CASS4: variants seen among roughly 807,000 people sequenced by gnomAD.
CASS4 encodes the protein cas scaffolding protein family member 4.
In CASS4, 22 loss-of-function variants were observed where a neutral mutation model predicts 54.2. That is an observed-to-expected ratio of 0.41 (90% CI 0.29 to 0.58). CASS4 has a LOEUF of 0.58. Ranked by LOEUF, CASS4 falls within the 20% of genes least tolerant of loss-of-function variation. CASS4 has a pLI of 0.36. For synonymous variants in CASS4, 409 were observed against 391.5 expected (o/e 1.04, Z -0.53); for missense variants, 854 against 986.7 (o/e 0.87, Z 1.80).
At chr20:56,434,909 A>G (rs1980084167) in intron 1 of CASS4, among the ~76,000 whole-genome samples, 1 of 152,240 alleles carries the variant, frequency 6.6e-6, no homozygotes, top group Non-Finnish European at 1.5e-5. Context: ...AACAGCAGTT[A>G]CCTGTGGTGG....
At chr20:56,441,440 A>C (rs1007085202) in intron 2 of CASS4, among the ~76,000 whole-genome samples, 1 of 151,822 alleles carries the variant, frequency 6.6e-6, no homozygotes, top group Non-Finnish European at 1.5e-5. Context: ...CCCTGTCTCT[A>C]CTAAAAACAC....
At chr20:56,455,341 G>C (rs1323457860) in intron 5 of CASS4, among the ~76,000 whole-genome samples, 3 of 152,328 alleles carry the variant, frequency 2.0e-5, no homozygotes, top group South Asian at 2.1e-4. Flanking sequence ...TGTAAAGGTT[G>C]TAAAGGTTGT....
chr20:56,426,672 T>A (rs976909613), intron 1 of CASS4, among the ~76,000 whole-genome samples: 2 of 151,876 alleles, frequency 1.3e-5, no homozygotes, highest in Non-Finnish European at 2.9e-5. Context: ...ACCTAGCCCA[T>A]GTTCAAGCCA....
At chr20:56,433,996 G>T (rs1178443084) in intron 1 of CASS4, among the ~76,000 whole-genome samples, 2 of 152,176 alleles carry the variant, frequency 1.3e-5, no homozygotes, top group Non-Finnish European at 2.9e-5. Context: ...GAGTAGTCTG[G>T]GTGTTGCTAA....
rs1005635138 is a variant in CASS4 at position 56,414,886 on chromosome 20, A to T, written c.36+2392A>T. Among the ~76,000 whole-genome samples the T allele has an allele frequency of 6.6e-6, 1 of 152,148 alleles. No individual in the cohort carries two copies. Among genetic ancestry groups the T allele is most frequent in the African/African-American group, 2.4e-5 (1 of 41,424 alleles). On this transcript the variant is annotated intron_variant, in intron 1 of 5. Coordinates refer to ENST00000679887, the MANE Select transcript of CASS4 (RefSeq NM_020356.4). The surrounding 1 kb of genome is among the most constrained non-coding windows in gnomAD (Gnocchi z 4.1). ...TGCTTTATATATATATATAAATAGT[A>T]GCCAACCCTTACCGATTGTCTACAT...
rs762687571 is a variant in CASS4, at chr20:56,452,841, C to A, written c.1665C>A (p.Ser555Arg). 4 of 1,614,034 alleles carry A rather than the reference C, an allele frequency of 2.5e-6. No individual in the cohort carries two copies. Among genetic ancestry groups the A allele is most frequent in the Non-Finnish European group, 3.4e-6 (4 of 1,180,016 alleles). The change falls in exon 5 of 6, where the codon AGC becomes AGA. Residue 555 changes from serine to arginine, a missense_variant. Coordinates refer to ENST00000679887, the MANE Select transcript of CASS4 (RefSeq NM_020356.4). ...TTGTGACTGACAGTGTCCAGAACAG[C>A]CCAGATGACCTTGAGAGGTTTGTCA... Reference protein sequence around the residue: ...EVLVTDSVQNSPDDLERFVMV... With the variant: ...EVLVTDSVQNRPDDLERFVMV...
intron 1 of CASS4, among the ~76,000 whole-genome samples, chr20:56,436,433 AGT>A (rs771538684): frequency 4.7e-5 from 7 of 149,888 alleles, no homozygotes; most frequent in Non-Finnish European, 4.4e-5. Flanking sequence ...CGTCATATAT[AGT>A]GTGTGTGTGT....
intron 1 of CASS4, among the ~76,000 whole-genome samples, chr20:56,416,201 C>T (rs991766454): frequency 2.6e-5 from 4 of 152,160 alleles, no homozygotes; most frequent in Non-Finnish European, 5.9e-5. Flanking sequence ...AGGCATGTGC[C>T]ACCATGCTCA....
chr20:56,413,894 T>C (rs1395310083), intron 1 of CASS4, among the ~76,000 whole-genome samples: 1 of 152,170 alleles, frequency 6.6e-6, no homozygotes, highest in East Asian at 1.9e-4. Flanking sequence ...CATTGGTTTC[T>C]GGTACTTTGT....
Position 56,459,226 on chromosome 20 carries a change from T to G in CASS4, c.*479T>G, listed in dbSNP as rs1336678261. On this transcript the variant is annotated 3_prime_UTR_variant, in exon 6 of 6. Coordinates refer to ENST00000679887, the MANE Select transcript of CASS4 (RefSeq NM_020356.4). ...CCACCATGCCCAGCTAATTTTTGTATTTTTTTTTAATGAAAGGTCTCACAT... is the reference window on the plus strand; with the variant it reads ...CCACCATGCCCAGCTAATTTTTGTAGTTTTTTTTAATGAAAGGTCTCACAT... The G allele has an allele frequency of 6.5e-6, 1 of 153,874 alleles. No homozygotes were observed. Among genetic ancestry groups the G allele is most frequent in the African/African-American group, 2.4e-5 (1 of 41,086 alleles). The allele number at this position is 153,874 out of a possible 1,614,324, so 9.5% of individuals were successfully genotyped here.
chr20:56,433,926 C>T (rs1980033209), intron 1 of CASS4, among the ~76,000 whole-genome samples: 1 of 152,150 alleles, frequency 6.6e-6, no homozygotes, highest in African/African-American at 2.4e-5. Flanking sequence ...ACACATCCCC[C>T]GGGTTGCCTG....
rs1411925558 is a variant in CASS4, at chr20:56,450,658, T to A, written c.621T>A (p.His207Gln). ...CCAGCCCCAAGAAGGCAGGACTCCATCCCCCAGACAGCCAAGCAAGTGTAA... is the reference window on the plus strand; with the variant it reads ...CCAGCCCCAAGAAGGCAGGACTCCAACCCCCAGACAGCCAAGCAAGTGTAA... ...IPASPKKAGL[H>Q]PPDSQASGQG... Residue 207 changes from histidine (H) to glutamine (Q), a missense_variant, in exon 4 of 6, where the codon CAT (histidine) becomes CAA (glutamine). By Grantham distance (24) the His-to-Gln change is conservative. Coordinates refer to ENST00000679887, the MANE Select transcript of CASS4 (RefSeq NM_020356.4). 2 of 1,613,804 alleles carry A rather than the reference T, an allele frequency of 1.2e-6. No homozygotes were observed. Among genetic ancestry groups the A allele is most frequent in the African/African-American group, 1.3e-5 (1 of 74,832 alleles).
chr20:56,458,894 C>A lies in CASS4; in HGVS notation c.*147C>A. On this transcript the variant is annotated 3_prime_UTR_variant, in exon 6 of 6. Transcript: ENST00000679887. ...GCCCAAAGCTGGTAGTACCAAGTGGCTAAGCAACCCCAGGGCATTGACTTA... is the reference window on the plus strand; with the variant it reads ...GCCCAAAGCTGGTAGTACCAAGTGGATAAGCAACCCCAGGGCATTGACTTA... 1 of 771,108 alleles carries A rather than the reference C, an allele frequency of 1.3e-6. No individual in the cohort carries two copies. Among genetic ancestry groups the A allele is most frequent in the Non-Finnish European group, 2.0e-6 (1 of 491,482 alleles). 47.8% of individuals were successfully genotyped at this position (771,108 alleles called of 1,614,324 possible).
chr20:56,454,301 C>G (rs1020261637), intron 5 of CASS4, among the ~76,000 whole-genome samples: 1 of 152,214 alleles, frequency 6.6e-6, no homozygotes, highest in Non-Finnish European at 1.5e-5. Context: ...CCAGAAGTCA[C>G]TTGGGGGCTG....
intron 1 of CASS4, among the ~76,000 whole-genome samples, chr20:56,428,571 C>T (rs1979749902): frequency 6.6e-6 from 1 of 152,206 alleles, no homozygotes; most frequent in Non-Finnish European, 1.5e-5. Flanking sequence ...CAGCCTCCAC[C>T]ACACCCAAAT....
chr20:56,456,071 A>G (rs1360652571), intron 5 of CASS4, among the ~76,000 whole-genome samples: 1 of 114,666 alleles, frequency 8.7e-6, no homozygotes, highest in Non-Finnish European at 1.8e-5. Flanking sequence ...CTTCTGGTCC[A>G]AGGACCTCAC....
intron 1 of CASS4, among the ~76,000 whole-genome samples, chr20:56,418,315 G>A (rs748199208): frequency 6.6e-6 from 1 of 152,184 alleles, no homozygotes; most frequent in African/African-American, 2.4e-5. Context: ...CAGGGCCCCT[G>A]TAAAGACCCA....
At position 56,437,427 on chromosome 20, in the gene CASS4, G is replaced by A; in HGVS notation, c.300G>A (p.Val100=). The A allele has an allele frequency of 6.2e-7, 1 of 1,614,010 alleles. No individual in the cohort carries two copies. Among genetic ancestry groups the A allele is most frequent in the Non-Finnish European group, 8.5e-7 (1 of 1,179,922 alleles). The stretch of plus-strand genomic sequence containing the variant: ...CCAGCTCAGAGGAGACCTATCAGGT[G>A]CCCACTCTACCCCGCCCTCCCACTC... ...APASSEETYQ[V]PTLPRPPTPG... is the part of the protein sequence containing the mutation. The change falls in exon 2 of 6, where the codon GTG becomes GTA. Residue 100 remains valine, a synonymous_variant. Coordinates refer to ENST00000679887, the MANE Select transcript of CASS4 (RefSeq NM_020356.4). The surrounding 1 kb of genome is among the most constrained non-coding windows in gnomAD (Gnocchi z 4.7).
In CASS4 at chr20:56,428,112, T is replaced by C. The variant is rs76008201; in HGVS notation, c.37-9052T>C. 9.4e-3 allele frequency among the ~76,000 whole-genome samples: 1,433 copies of C among 152,296 alleles called. 21 individuals carry two copies. The highest frequency in any genetic ancestry group is 0.033 in the African/African-American group (1,365 of 41,558). ...ATGATTTACCTTCCCAAAGAAAGAATGATATTCTAGGTTACTTGGATGGAA... is the reference window on the plus strand; with the variant it reads ...ATGATTTACCTTCCCAAAGAAAGAACGATATTCTAGGTTACTTGGATGGAA... On this transcript the variant is annotated intron_variant, in intron 1 of 5. Transcript: ENST00000679887.
Sources: gnomAD v4.1 joint callset for allele counts (sites outside exome capture counted in the v4.1 genomes callset) on GRCh38, gnomAD v4.1.1 for gene constraint, Gnocchi (gnomAD v3.1) non-coding constraint, MANE v1.5 for transcripts, NCBI Gene and HGNC (gene_info 2026-07-23, HGNC 2026-07-21) for gene names.